EPHA3: variants seen among roughly 807,000 people sequenced by gnomAD.
EPHA3 encodes EPH receptor A3.
Under a neutral mutation model 107.1 loss-of-function variants are expected in EPHA3, and 42 were observed. The observed-to-expected ratio is 0.39, with a 90% CI of 0.31 to 0.51. The LOEUF (loss-of-function observed/expected upper bound fraction) is 0.51. EPHA3 is among the 20% of genes least tolerant of loss of function. The probability of loss-of-function intolerance (pLI) is 0.78; values close to 1 mark genes in which losing one functional copy is unlikely to be tolerated. For missense variants in EPHA3, 1,183 were observed against 1,211.2 expected (o/e 0.98, Z 0.35); for synonymous variants, 461 against 424.8 (o/e 1.09, Z -1.05).
At chr3:89,392,265 C>G (rs999307263) in intron 5 of EPHA3, among the ~76,000 whole-genome samples, 2 of 152,032 alleles carry the variant, frequency 1.3e-5, no homozygotes, top group Non-Finnish European at 2.9e-5. Flanking sequence ...CATGCGAAAC[C>G]CTGTCTCTAC....
intron 5 of EPHA3, among the ~76,000 whole-genome samples, chr3:89,350,436 C>T (rs537611562): frequency 1.1e-4 from 16 of 151,654 alleles, no homozygotes; most frequent in African/African-American, 3.4e-4. Context: ...GCATTCTTCA[C>T]GTAGTTCTCA....
intron 3 of EPHA3, among the ~76,000 whole-genome samples, chr3:89,272,991 G>T (rs1705715812): frequency 6.6e-6 from 1 of 151,772 alleles, no homozygotes; most frequent in East Asian, 1.9e-4. Flanking sequence ...TACTTACATT[G>T]GTTAAGTGAC....
In EPHA3 at chr3:89,383,640, T is replaced by C. The variant is rs979955051; in HGVS notation, c.1307-12197T>C. On this transcript the variant is annotated intron_variant, in intron 5 of 16. Transcript: ENST00000336596. ...AGTGTGGTCAGCCTACTTCTTCTTC[T>C]TTTTTTTTTTTTTTTTTTTTTTTTT... Among the ~76,000 whole-genome samples the C allele has an allele frequency of 1.7e-3, 141 of 82,814 alleles. 2 individuals carry two copies. Among genetic ancestry groups the C allele is most frequent in the Non-Finnish European group, 9.3e-4 (35 of 37,452 alleles). The allele number at this position is 82,814 out of a possible 152,430, so 54.3% of individuals were successfully genotyped here.
At chr3:89,376,826 T>C (rs1708413348) in intron 5 of EPHA3, among the ~76,000 whole-genome samples, 1 of 152,094 alleles carries the variant, frequency 6.6e-6, no homozygotes, top group Non-Finnish European at 1.5e-5. Flanking sequence ...AATTTGTAGT[T>C]CATAAGGGCC....
intron 3 of EPHA3, among the ~76,000 whole-genome samples, chr3:89,244,839 G>T (rs1704993678): frequency 6.6e-6 from 1 of 152,118 alleles, no homozygotes; most frequent in Admixed American, 6.6e-5. Flanking sequence ...TCTGGCTATT[G>T]TATTAAGCAT....
At chr3:89,293,014 C>G (rs191200263) in intron 3 of EPHA3, among the ~76,000 whole-genome samples, 1 of 152,152 alleles carries the variant, frequency 6.6e-6, no homozygotes, top group East Asian at 1.9e-4. Context: ...TTTGTATTGT[C>G]AGTCTTTTTA....
intron 2 of EPHA3, among the ~76,000 whole-genome samples, chr3:89,153,873 C>T (rs1416747208): frequency 6.6e-6 from 1 of 151,952 alleles, no homozygotes; most frequent in Non-Finnish European, 1.5e-5. Context: ...ATGATTTGTC[C>T]CCCAGTGACA....
At chr3:89,178,095 A>G (rs1192761068) in intron 2 of EPHA3, among the ~76,000 whole-genome samples, 1 of 152,086 alleles carries the variant, frequency 6.6e-6, no homozygotes, top group African/African-American at 2.4e-5. Flanking sequence ...TGAAATTTTT[A>G]TCTTCTTTGT....
At chr3:89,204,670 ACT>A (rs1289004749) in intron 2 of EPHA3, among the ~76,000 whole-genome samples, 3 of 151,722 alleles carry the variant, frequency 2.0e-5, no homozygotes, top group African/African-American at 7.3e-5. Flanking sequence ...AAGGAAAACT[ACT>A]TATGAATAAA....
chr3:89,251,548 G>A (rs1230406978), intron 3 of EPHA3, among the ~76,000 whole-genome samples: 5 of 151,984 alleles, frequency 3.3e-5, no homozygotes, highest in Admixed American at 3.3e-4. Context: ...CTAATTAATA[G>A]AGATAGAAAC....
chr3:89,116,915 T>A (rs1208692011), intron 1 of EPHA3, among the ~76,000 whole-genome samples: 2 of 152,062 alleles, frequency 1.3e-5, no homozygotes, highest in African/African-American at 4.8e-5. Context: ...TTACTCATTT[T>A]CCTATTATTT....
chr3:89,248,191 G>C (rs1705080453), intron 3 of EPHA3, among the ~76,000 whole-genome samples: 1 of 151,960 alleles, frequency 6.6e-6, no homozygotes, highest in African/African-American at 2.4e-5. Flanking sequence ...TGAAATCCAT[G>C]CCCATTTTTC....
At chr3:89,293,467 T>C (rs1706267236) in intron 3 of EPHA3, among the ~76,000 whole-genome samples, 1 of 152,154 alleles carries the variant, frequency 6.6e-6, no homozygotes, top group Non-Finnish European at 1.5e-5. Flanking sequence ...ATAAATAGTT[T>C]AGACTTTGTG....
rs569021268 is a variant in EPHA3 at position 89,451,194 on chromosome 3, T to C, written c.2690+824T>C. Among the ~76,000 whole-genome samples, 4 of 152,300 alleles carry C rather than the reference T, an allele frequency of 2.6e-5. No individual in the cohort carries two copies. The Middle Eastern group carries it at 0.014, about 518-fold the overall frequency. On this transcript the variant is annotated intron_variant, in intron 15 of 16. Transcript: ENST00000336596. The stretch of plus-strand genomic sequence containing the variant: ...TCTGCAGCTGTAATGCAATCCTGGA[T>C]GCACAAAGTCTATTTAATTTTATGC...
Position 89,480,599 on chromosome 3 carries a change from C to A in EPHA3, c.*1097C>A, listed in dbSNP as rs980947163. Reference sequence around the variant, plus strand: ...AATGCTGCACTAATTGACAACACAGCCTATAGGCCAATGCATGAGTAAAAA... The same window carrying A: ...AATGCTGCACTAATTGACAACACAGACTATAGGCCAATGCATGAGTAAAAA... On this transcript the variant is annotated 3_prime_UTR_variant, in exon 17 of 17. Transcript: ENST00000336596. The A allele has an allele frequency of 9.9e-5, 23 of 231,382 alleles. No homozygotes were observed. The highest frequency in any genetic ancestry group is 1.9e-4 in the Non-Finnish European group (22 of 117,002). 14.3% of individuals were successfully genotyped at this position (231,382 alleles called of 1,614,324 possible).
chr3:89,233,162 A>AAT (rs752198556), intron 3 of EPHA3, among the ~76,000 whole-genome samples: 38 of 151,922 alleles, frequency 2.5e-4, no homozygotes, highest in Non-Finnish European at 3.2e-4. Context: ...GAGTATTTGA[A>AAT]ATATATATAT....
intron 1 of EPHA3, among the ~76,000 whole-genome samples, chr3:89,115,531 T>C (rs572140895): frequency 2.0e-5 from 3 of 152,256 alleles, no homozygotes; most frequent in South Asian, 4.1e-4. Flanking sequence ...GTGGCTGTGT[T>C]AGAACTTCAG....
chr3:89,116,126 A>G (rs1424987594), intron 1 of EPHA3, among the ~76,000 whole-genome samples: 1 of 152,164 alleles, frequency 6.6e-6, no homozygotes, highest in East Asian at 1.9e-4. Flanking sequence ...AGATGAAAAT[A>G]TCTGTGATGA....
intron 5 of EPHA3, among the ~76,000 whole-genome samples, chr3:89,344,049 T>C (rs1707590147): frequency 6.6e-6 from 1 of 152,128 alleles, no homozygotes; most frequent in South Asian, 2.1e-4. Context: ...GGCAAATGGT[T>C]TTCCGGAGCG....
Sources: allele counts gnomAD v4.1 joint callset (sites outside exome capture counted in the v4.1 genomes callset), GRCh38; gene constraint gnomAD v4.1.1; transcripts MANE v1.5; gene names NCBI Gene and HGNC (gene_info 2026-07-23, HGNC 2026-07-21).